TECR: variants seen among roughly 807,000 people sequenced by gnomAD.
The protein encoded by TECR is very-long-chain enoyl-CoA reductase.
A neutral mutation model predicts 50.6 loss-of-function variants in TECR; 19 were observed. That is an observed-to-expected ratio of 0.38 (90% CI 0.26 to 0.55). The LOEUF (loss-of-function observed/expected upper bound fraction) is 0.55. TECR is among the 20% of genes least tolerant of loss of function. The pLI, the probability that TECR is intolerant of heterozygous loss-of-function variation, is 0.79. For missense variants in TECR, 313 were observed against 408.3 expected (o/e 0.77, Z 2.01); for synonymous variants, 168 against 163.5 (o/e 1.03, Z -0.21).
At chr19:14,558,260 G>A (rs931070176) in intron 1 of TECR, among the ~76,000 whole-genome samples, 2 of 152,164 alleles carry the variant, frequency 1.3e-5, no homozygotes, top group Non-Finnish European at 1.5e-5. Context: ...CCCAGGAGCT[G>A]TGACAAGTGC....
At position 14,565,842 on chromosome 19, in the gene TECR, C is replaced by T. The variant is rs773524852; in HGVS notation, c.898C>T (p.Arg300Cys). 14 of 1,596,822 alleles carry T rather than the reference C, an allele frequency of 8.8e-6. No individual in the cohort carries two copies. The highest frequency in any genetic ancestry group is 8.7e-5 in the Admixed American group (5 of 57,432). ...LKEFRDYPPL[R>C]MPIIPFLL The stretch of plus-strand genomic sequence containing the variant: ...GGAGTTCCGGGACTACCCGCCCCTG[C>T]GCATGCCCATCATCCCCTTCCTGCT... Residue 300 changes from arginine (R) to cysteine (C), a missense_variant, in exon 13 of 13, where the codon CGC becomes TGC. Arg to Cys is a radical substitution (Grantham distance 180). Transcript: ENST00000215567.
At chr19:14,556,406 C>CT (rs1227740207) in intron 1 of TECR, among the ~76,000 whole-genome samples, 3 of 60,198 alleles carry the variant, frequency 5.0e-5, no homozygotes, top group East Asian at 6.0e-4. Flanking sequence ...GCGAGACTCT[C>CT]TCAAAAAAAA....
At chr19:14,547,333 C>T (rs1316466562) in intron 1 of TECR, among the ~76,000 whole-genome samples, 1 of 150,264 alleles carries the variant, frequency 6.7e-6, no homozygotes, top group East Asian at 1.9e-4. Flanking sequence ...CGTGAGCCAC[C>T]GTACCTGGCC....
chr19:14,528,528 G>A (rs894937134), upstream of TECR, among the ~76,000 whole-genome samples: 1 of 151,924 alleles, frequency 6.6e-6, no homozygotes, highest in East Asian at 1.9e-4. Context: ...GTGAGCCATC[G>A]TTCCCGGCCT....
intron 1 of TECR, among the ~76,000 whole-genome samples, chr19:14,542,861 C>T (rs1314944870): frequency 2.0e-5 from 3 of 152,118 alleles, no homozygotes; most frequent in African/African-American, 7.2e-5. Flanking sequence ...GTCACAGTGA[C>T]AGGCTGGCAT....
chr19:14,564,407 C>T (rs976865464), intron 7 of TECR, 120 bp downstream of exon 7: 16 of 840,266 alleles, frequency 1.9e-5, no homozygotes, highest in Admixed American at 1.7e-4. Flanking sequence ...CAGAGCCCTA[C>T]CCCTAGGCCC....
chr19:14,548,336 C>G (rs2073375631), intron 1 of TECR, among the ~76,000 whole-genome samples: 1 of 152,096 alleles, frequency 6.6e-6, no homozygotes, highest in East Asian at 1.9e-4. Context: ...TTTCCCCACC[C>G]CCTTGGTGGC....
intron 1 of TECR, among the ~76,000 whole-genome samples, chr19:14,546,940 C>T (rs1051556755): frequency 1.3e-5 from 2 of 152,182 alleles, no homozygotes; most frequent in Non-Finnish European, 2.9e-5. Flanking sequence ...TCTGATCTGC[C>T]CGCCTTGGCC....
At chr19:14,545,964 C>T (rs2073292859) in intron 1 of TECR, 2 of 152,176 alleles carry the variant, frequency 1.3e-5, no homozygotes, top group Non-Finnish European at 2.9e-5. Context: ...TCCTCTGGGC[C>T]ACATAGAGCC....
intron 1 of TECR, among the ~76,000 whole-genome samples, chr19:14,553,066 C>T (rs374084741): frequency 9.2e-5 from 14 of 152,070 alleles, no homozygotes; most frequent in African/African-American, 3.1e-4. Flanking sequence ...GACCCAGGTT[C>T]TCCAACTTCC....
At chr19:14,555,754 A>T (rs2073699772) in intron 1 of TECR, among the ~76,000 whole-genome samples, 1 of 152,054 alleles carries the variant, frequency 6.6e-6, no homozygotes, top group Non-Finnish European at 1.5e-5. Flanking sequence ...GCTAATTTTT[A>T]TAAATACTTT....
intron 1 of TECR, among the ~76,000 whole-genome samples, chr19:14,538,715 T>A (rs1266643554): frequency 1.3e-5 from 2 of 151,530 alleles, no homozygotes; most frequent in Non-Finnish European, 2.9e-5. Flanking sequence ...GTATTTTTAG[T>A]AGAGACGGGG....
chr19:14,537,243 G>A (rs1405654787), intron 1 of TECR, among the ~76,000 whole-genome samples: 2 of 136,884 alleles, frequency 1.5e-5, no homozygotes, highest in Non-Finnish European at 3.2e-5. Flanking sequence ...AGGAAGCGGC[G>A]GGCCTGGATG....
In TECR at chr19:14,563,229, G is replaced by A. The variant is rs1351292160; in HGVS notation, c.90G>A (p.Ala30=). ...LDKVEPHATI[A]EIKNLFTKTH... Reference sequence around the variant, plus strand: ...AGGTGGAGCCCCACGCCACCATTGCGGAGATCAAGAACCTCTTCACTAAGA... The same window carrying A: ...AGGTGGAGCCCCACGCCACCATTGCAGAGATCAAGAACCTCTTCACTAAGA... The change falls in exon 3 of 13, where the codon GCG becomes GCA. Residue 30 remains alanine (A), a synonymous_variant. Transcript: ENST00000215567. This position sits in a 1 kb window ranked among gnomAD's most constrained non-coding sequence, Gnocchi z 5.3. 6 of 1,613,824 alleles carry A rather than the reference G, an allele frequency of 3.7e-6. No individual in the cohort carries two copies. The highest frequency in any genetic ancestry group is 3.3e-5 in the Admixed American group (2 of 59,990).
In TECR at chr19:14,563,400, G is replaced by A. The variant is rs1950918748; in HGVS notation, c.118+143G>A. 3 of 908,584 alleles carry A rather than the reference G, an allele frequency of 3.3e-6. No homozygotes were observed. The highest frequency in any genetic ancestry group is 5.3e-6 in the Non-Finnish European group (3 of 570,112). 56.3% of individuals were successfully genotyped at this position (908,584 alleles called of 1,614,324 possible). Reference sequence around the variant, plus strand: ...CCCAGGCTTCTGGGGCGTGACTGGGGCAGGCGCCTCCACGTGGCACTCCGC... The same window carrying A: ...CCCAGGCTTCTGGGGCGTGACTGGGACAGGCGCCTCCACGTGGCACTCCGC... On this transcript the variant is annotated intron_variant, in intron 3 of 12. Transcript: ENST00000215567. The surrounding 1 kb of genome is among the most constrained non-coding windows in gnomAD (Gnocchi z 5.3).
rs552616419 is a variant in TECR at position 14,557,857 on chromosome 19, G to A, written c.16-4668G>A. On this transcript the variant is annotated intron_variant, in intron 1 of 12. Coordinates refer to ENST00000215567, the MANE Select transcript of TECR (RefSeq NM_138501.6). ...TGCAAGCTCTGCCTCCCGGGTTCGC[G>A]CCATTCTCCTGCCTCAGCCTCCCGA... is the stretch of plus-strand genomic sequence containing the variant. 5.9e-5 allele frequency among the ~76,000 whole-genome samples: 9 copies of A among 152,138 alleles called. No homozygotes were observed. In the South Asian group the frequency reaches 1.7e-3, roughly 28 times the overall value.
At chr19:14,540,553 C>A (rs1447979473) in intron 1 of TECR, among the ~76,000 whole-genome samples, 1 of 151,804 alleles carries the variant, frequency 6.6e-6, no homozygotes, top group African/African-American at 2.4e-5. Flanking sequence ...CACCACACCC[C>A]ACTAATTTTT....
intron 1 of TECR, among the ~76,000 whole-genome samples, chr19:14,550,812 C>T (rs193196953): frequency 6.6e-6 from 1 of 152,108 alleles, no homozygotes; most frequent in East Asian, 1.9e-4. Flanking sequence ...TCCCCCGTAG[C>T]TGGGACTACA....
At chr19:14,540,260 G>C (rs2073052272) in intron 1 of TECR, among the ~76,000 whole-genome samples, 1 of 151,706 alleles carries the variant, frequency 6.6e-6, no homozygotes, top group Non-Finnish European at 1.5e-5. Context: ...ACTAGAGACA[G>C]GGTTTCACTG....
Sources: gnomAD v4.1 joint callset for allele counts (sites outside exome capture counted in the v4.1 genomes callset) on GRCh38, gnomAD v4.1.1 for gene constraint, Gnocchi (gnomAD v3.1) non-coding constraint, MANE v1.5 for transcripts, NCBI Gene and HGNC (gene_info 2026-07-23, HGNC 2026-07-21) for gene names.